The following PTPRD variants were observed in gnomAD, a reference collection of about 807,000 sequenced individuals.
PTPRD encodes receptor-type tyrosine-protein phosphatase delta.
A neutral mutation model predicts 214.5 loss-of-function variants in PTPRD; 34 were observed. The ratio of observed to expected loss-of-function variants is 0.16; its 90% CI spans 0.12 to 0.21. The LOEUF is 0.21. PTPRD is among the 10% of genes least tolerant of loss of function. PTPRD has a pLI of 1.00. For synonymous variants in PTPRD, 1,128 were observed against 845.7 expected, an observed-to-expected ratio of 1.33 and a Z score of -5.79; for missense variants, 2,545 against 2,398.7, an observed-to-expected ratio of 1.06 and a Z score of -1.27.
At chr9:10,297,330 T>G (rs959240103) in intron 3 of PTPRD, among the ~76,000 whole-genome samples, 1 of 151,914 alleles carries the variant, frequency 6.6e-6, no homozygotes, top group Non-Finnish European at 1.5e-5. Context: ...TACAAGAAAC[T>G]GTACCATTTT....
At position 8,521,420 on chromosome 9, in the gene PTPRD, G is replaced by T. The variant is rs746204840; in HGVS notation, c.818C>A (p.Ala273Glu). 2.5e-6 allele frequency: 4 copies of T among 1,613,822 alleles called. No homozygotes were observed. Among genetic ancestry groups the T allele is most frequent in the African/African-American group, 1.3e-5 (1 of 74,962 alleles). The change falls in exon 20 of 46, where the codon GCA becomes GAA. Residue 273 changes from alanine (A) to glutamate (E), a missense_variant. By Grantham distance (107) the Ala-to-Glu change is moderately radical. Coordinates refer to ENST00000381196, the MANE Select transcript of PTPRD (RefSeq NM_002839.4). Reference sequence around the variant, plus strand: ...ATCATCTTCAGGTGTCAGATCTTCTGCCCCCAACATCCACTTTACATAAGG... The same window carrying T: ...ATCATCTTCAGGTGTCAGATCTTCTTCCCCCAACATCCACTTTACATAAGG... ...PMPYVKWMLG[A>E]EDLTPEDDMP...
chr9:10,282,649 T>A (rs2154395115), intron 3 of PTPRD, among the ~76,000 whole-genome samples: 1 of 152,268 alleles, frequency 6.6e-6, no homozygotes, highest in South Asian at 2.1e-4. Context: ...ACTGAGCAGC[T>A]TTAAAAAATA....
At chr9:9,589,578 G>A (rs1352588603) in intron 7 of PTPRD, among the ~76,000 whole-genome samples, 1 of 151,914 alleles carries the variant, frequency 6.6e-6, no homozygotes, top group Non-Finnish European at 1.5e-5. Flanking sequence ...ATTTCAAAAT[G>A]TTTAACAGCA....
intron 5 of PTPRD, among the ~76,000 whole-genome samples, chr9:9,869,069 A>C (rs1031778497): frequency 2.0e-5 from 3 of 152,188 alleles, no homozygotes; most frequent in African/African-American, 7.2e-5. Flanking sequence ...CCAATACATC[A>C]ACTACTTACA....
At chr9:9,953,878 A>C (rs529867551) in intron 4 of PTPRD, among the ~76,000 whole-genome samples, 2 of 152,212 alleles carry the variant, frequency 1.3e-5, no homozygotes, top group South Asian at 4.1e-4. Context: ...ACACACACTC[A>C]ATGTTGCAAC....
chr9:9,756,538 C>A (rs1317302370), intron 6 of PTPRD, among the ~76,000 whole-genome samples: 1 of 151,922 alleles, frequency 6.6e-6, no homozygotes, highest in African/African-American at 2.4e-5. Flanking sequence ...AGAAGGTCCA[C>A]ACAACTTATT....
intron 14 of PTPRD, among the ~76,000 whole-genome samples, chr9:8,557,744 A>AT (rs141276971): frequency 6.0e-5 from 8 of 132,668 alleles, no homozygotes; most frequent in Admixed American, 1.5e-4. Flanking sequence ...CTGTCTCTCA[A>AT]TAAAAAAAAA....
chr9:9,311,051 A>C (rs1958843661), intron 9 of PTPRD, among the ~76,000 whole-genome samples: 1 of 152,062 alleles, frequency 6.6e-6, no homozygotes, highest in Admixed American at 6.6e-5. Flanking sequence ...AATTAATATG[A>C]GTACTGCAAT....
intron 10 of PTPRD, among the ~76,000 whole-genome samples, chr9:9,027,951 T>A (rs1352419082): frequency 1.3e-5 from 2 of 151,912 alleles, no homozygotes; most frequent in Non-Finnish European, 2.9e-5. Context: ...CACATTTAGT[T>A]TTTTTAGCCT....
intron 4 of PTPRD, among the ~76,000 whole-genome samples, chr9:9,944,048 T>A (rs971398016): frequency 6.6e-6 from 1 of 152,220 alleles, no homozygotes; most frequent in African/African-American, 2.4e-5. Context: ...CTTCTTTTCT[T>A]TTAAATGAGC....
At chr9:8,630,336 T>A (rs2154315414) in intron 14 of PTPRD, among the ~76,000 whole-genome samples, 1 of 151,944 alleles carries the variant, frequency 6.6e-6, no homozygotes, top group South Asian at 2.1e-4. Context: ...CTCTTCACAC[T>A]CATTTATTTA....
intron 8 of PTPRD, among the ~76,000 whole-genome samples, chr9:9,436,619 T>C (rs2085348756): frequency 6.7e-6 from 1 of 149,354 alleles, no homozygotes; most frequent in South Asian, 2.1e-4. Context: ...AGTACTCTTA[T>C]ACAAAGGCAT....
chr9:8,492,786 C>G, intron 27 of PTPRD, 76 bp downstream of exon 27: 1 of 1,002,898 alleles, frequency 1.0e-6, no homozygotes. Flanking sequence ...ATAATAAAAG[C>G]CTGCTAGAAG....
intron 11 of PTPRD, among the ~76,000 whole-genome samples, chr9:8,972,528 G>A (rs2099244666): frequency 1.3e-5 from 2 of 151,674 alleles, no homozygotes; most frequent in Admixed American, 6.6e-5. Flanking sequence ...AAGGAGGGAA[G>A]GAAAGGAGAT....
chr9:9,433,498 T>C (rs2084023824), intron 8 of PTPRD, among the ~76,000 whole-genome samples: 3 of 152,142 alleles, frequency 2.0e-5, no homozygotes, highest in African/African-American at 7.2e-5. Context: ...TTTTTTAAAG[T>C]GCTTGTTTTT....
chr9:9,661,257 A>G (rs558634923), intron 7 of PTPRD, among the ~76,000 whole-genome samples: 370 of 152,062 alleles, frequency 2.4e-3, no homozygotes, highest in African/African-American at 8.4e-3. Context: ...TTCAATAAAT[A>G]AAAACTAATT....
chr9:9,372,440 G>GC (rs1264540791), intron 9 of PTPRD, among the ~76,000 whole-genome samples: 3 of 151,944 alleles, frequency 2.0e-5, no homozygotes, highest in Non-Finnish European at 1.5e-5. Flanking sequence ...TGCAACCCCT[G>GC]TCTTTTTTTG....
intron 11 of PTPRD, among the ~76,000 whole-genome samples, chr9:8,780,454 G>C (rs1006616587): frequency 6.6e-6 from 1 of 152,176 alleles, no homozygotes; most frequent in Non-Finnish European, 1.5e-5. Flanking sequence ...GGAGCCTCCT[G>C]AGTGTTTGAG....
chr9:8,801,800 A>G (rs1055232979), intron 11 of PTPRD, among the ~76,000 whole-genome samples: 6 of 152,164 alleles, frequency 3.9e-5, no homozygotes, highest in African/African-American at 1.4e-4. Context: ...TACTTCTTTC[A>G]CTGTGTGCCA....
Sources: gnomAD v4.1 joint callset for allele counts (sites outside exome capture counted in the v4.1 genomes callset) on GRCh38, gnomAD v4.1.1 for gene constraint, MANE v1.5 for transcripts, NCBI Gene and HGNC (gene_info 2026-07-23, HGNC 2026-07-21) for gene names.